YWHAE: variants seen among roughly 807,000 people sequenced by gnomAD.
YWHAE encodes the protein tyrosine 3-monooxygenase/tryptophan 5-monooxygenase activation protein epsilon.
YWHAE carries 4 observed loss-of-function variants against 30.1 expected under a neutral mutation model. The observed-to-expected ratio is 0.13, with a 90% CI of 0.07 to 0.30. The LOEUF is 0.30. YWHAE is among the 10% of genes least tolerant of loss of function. The pLI, the probability that YWHAE is intolerant of heterozygous loss-of-function variation, is 1.00. For synonymous variants in YWHAE, 118 were observed against 111.8 expected (o/e 1.06, Z -0.35); for missense variants, 121 against 315.9 (o/e 0.38, Z 4.68).
intron 5 of YWHAE, among the ~76,000 whole-genome samples, chr17:1,349,338 T>C (rs1233999368): frequency 7.2e-5 from 11 of 152,152 alleles, no homozygotes. Context: ...TGATACTCCA[T>C]CTCAAAAACT....
At chr17:1,370,166 C>CT (rs1567969692) in intron 1 of YWHAE, among the ~76,000 whole-genome samples, 1 of 125,276 alleles carries the variant, frequency 8.0e-6, no homozygotes, top group African/African-American at 2.9e-5. Context: ...CTCGCTCTGT[C>CT]ACCAGGCTGG....
chr17:1,382,518 G>A (rs1191497646), intron 1 of YWHAE, among the ~76,000 whole-genome samples: 1 of 151,036 alleles, frequency 6.6e-6, no homozygotes, highest in African/African-American at 2.4e-5. Flanking sequence ...CACCAGGCCA[G>A]GCTAATTTTT....
At chr17:1,347,583 G>T (rs2072548335) in intron 5 of YWHAE, among the ~76,000 whole-genome samples, 1 of 152,156 alleles carries the variant, frequency 6.6e-6, no homozygotes, top group South Asian at 2.1e-4. Flanking sequence ...ATTGCTTAGG[G>T]ATGAAAGAAC....
intron 1 of YWHAE, among the ~76,000 whole-genome samples, chr17:1,381,804 G>A (rs1431162292): frequency 6.6e-6 from 1 of 150,964 alleles, no homozygotes. Flanking sequence ...GCAGTCCCAG[G>A]CATAGGACTG....
chr17:1,389,839 C>T (rs2073362994), intron 1 of YWHAE, among the ~76,000 whole-genome samples: 1 of 149,022 alleles, frequency 6.7e-6, no homozygotes, highest in Non-Finnish European at 1.5e-5. Context: ...CAATTATTTA[C>T]ATTTTCTTTC....
At chr17:1,377,014 A>G (rs1310298357) in intron 1 of YWHAE, among the ~76,000 whole-genome samples, 1 of 151,616 alleles carries the variant, frequency 6.6e-6, no homozygotes, top group Non-Finnish European at 1.5e-5. Context: ...CCCATGTTCA[A>G]GTGATGCTCT....
chr17:1,386,168 T>C (rs1005242596), intron 1 of YWHAE, among the ~76,000 whole-genome samples: 2 of 152,198 alleles, frequency 1.3e-5, no homozygotes, highest in African/African-American at 4.8e-5. Flanking sequence ...GATATTATTA[T>C]TACAGGGTTT....
intron 1 of YWHAE, among the ~76,000 whole-genome samples, chr17:1,392,343 C>T (rs1051640932): frequency 1.3e-5 from 2 of 152,090 alleles, no homozygotes; most frequent in Non-Finnish European, 2.9e-5. Context: ...TCAATGCAAT[C>T]CAAGCCTGGC....
At chr17:1,393,249 A>C (rs908577423) in intron 1 of YWHAE, among the ~76,000 whole-genome samples, 34 of 151,738 alleles carry the variant, frequency 2.2e-4, no homozygotes, top group African/African-American at 8.2e-4. Context: ...TGAGACTGGA[A>C]GGTAGAGGCT....
intron 4 of YWHAE, among the ~76,000 whole-genome samples, chr17:1,354,686 G>T (rs1297100844): frequency 6.6e-6 from 1 of 152,094 alleles, no homozygotes; most frequent in African/African-American, 2.4e-5. Context: ...TTTTTAAGAC[G>T]GAGTCTGGCT....
Position 1,382,118 on chromosome 17 carries a change from G to A in YWHAE, c.65-17060C>T, listed in dbSNP as rs192658933. ...GGCTGGAGTGCAGTGGCGCAATCTC[G>A]GCTCACGGCAACCTCCGCCTCCCGG... On this transcript the variant is annotated intron_variant, in intron 1 of 5. Transcript: ENST00000264335. Among the ~76,000 whole-genome samples, 40 of 150,760 alleles carry A rather than the reference G, an allele frequency of 2.7e-4. 1 individual carries two copies. The East Asian group carries it at 6.7e-3, about 25-fold the overall frequency.
At chr17:1,390,531 C>CTT (rs1339667694) in intron 1 of YWHAE, among the ~76,000 whole-genome samples, 1 of 152,186 alleles carries the variant, frequency 6.6e-6, no homozygotes, top group Non-Finnish European at 1.5e-5. Flanking sequence ...AAGTATTACA[C>CTT]TTTACAGTTT....
chr17:1,399,664 A>C (rs1283287952), intron 1 of YWHAE: 1 of 316,286 alleles, frequency 3.2e-6, no homozygotes. Context: ...CACCCCACCC[A>C]ATTGTTCTCC....
At chr17:1,355,105 C>G (rs546982991) in intron 4 of YWHAE, among the ~76,000 whole-genome samples, 13 of 57,264 alleles carry the variant, frequency 2.3e-4, no homozygotes, top group African/African-American at 6.8e-4. Context: ...ACTACCACCC[C>G]CAAGATTTTT....
chr17:1,349,058 C>T (rs1294844070), intron 5 of YWHAE, among the ~76,000 whole-genome samples: 1 of 145,800 alleles, frequency 6.9e-6, no homozygotes, highest in African/African-American at 2.5e-5. Flanking sequence ...AGATGTAATA[C>T]TAGGCCAGGT....
chr17:1,381,332 T>C (rs183383987), intron 1 of YWHAE, among the ~76,000 whole-genome samples: 15 of 152,048 alleles, frequency 9.9e-5, no homozygotes, highest in African/African-American at 3.6e-4. Context: ...CTGACCAACA[T>C]GGAGAAACCC....
intron 2 of YWHAE, among the ~76,000 whole-genome samples, chr17:1,363,003 C>G (rs967198237): frequency 5.9e-5 from 9 of 152,114 alleles, no homozygotes; most frequent in Non-Finnish European, 1.0e-4. Flanking sequence ...CACCCTTCTC[C>G]CAGATTCACT....
intron 5 of YWHAE, among the ~76,000 whole-genome samples, chr17:1,352,491 G>A (rs1360536479): frequency 2.0e-5 from 3 of 151,432 alleles, no homozygotes; most frequent in South Asian, 2.1e-4. Context: ...CAAGCAACGC[G>A]ACATATGTTT....
At chr17:1,354,417 C>A in intron 4 of YWHAE, 70 bp from the exon 5 acceptor site, 1 of 1,467,088 alleles carries the variant, frequency 6.8e-7, no homozygotes. Flanking sequence ...ACATGCTAGA[C>A]AGCAATCTTT....
Sources: gnomAD v4.1 joint callset for allele counts (sites outside exome capture counted in the v4.1 genomes callset) on GRCh38, gnomAD v4.1.1 for gene constraint, MANE v1.5 for transcripts, NCBI Gene and HGNC (gene_info 2026-07-23, HGNC 2026-07-21) for gene names.